FGF2: variants seen among roughly 807,000 people sequenced by gnomAD.
FGF2 encodes the protein fibroblast growth factor 2.
FGF2 carries 13 observed loss-of-function variants against 15.9 expected under a neutral mutation model. That is an observed-to-expected ratio of 0.82 (90% confidence interval 0.53 to 1.30). The LOEUF is 1.30. FGF2 is among the 50% of genes most tolerant of loss of function. The pLI is 0.00. For missense variants in FGF2, 163 were observed against 196.9 expected (o/e 0.83, Z 1.03); for synonymous variants, 90 against 78.4 (o/e 1.15, Z -0.78).
At chr4:122,876,079 T>C (rs1266126421) in intron 1 of FGF2, among the ~76,000 whole-genome samples, 1 of 152,156 alleles carries the variant, frequency 6.6e-6, no homozygotes, top group Non-Finnish European at 1.5e-5. Context: ...GCTCACCCTG[T>C]GACACAGGAG....
chr4:122,896,482 A>G lies in FGF2; in HGVS notation c.*4086A>G, dbSNP rs900770132. On this transcript the variant is annotated 3_prime_UTR_variant, in exon 3 of 3. Coordinates refer to ENST00000644866, the MANE Select transcript of FGF2 (RefSeq NM_001361665.2). ...CAAAACATAAGCTTAATTAGCTCAC[A>G]TGCTCTGCTCTCACGTGGCACCAGT... 2.0e-5 allele frequency: 3 copies of G among 152,202 alleles called. 1 individual carries two copies. The highest frequency in any genetic ancestry group is 4.1e-4 in the South Asian group (2 of 4,826). The allele number at this position is 152,202 out of a possible 1,614,324, so 9.4% of individuals were successfully genotyped here. A position where few individuals can be genotyped will look rare whatever the true frequency, so the allele number is the denominator to read the frequency against.
intron 2 of FGF2, among the ~76,000 whole-genome samples, chr4:122,890,354 G>T (rs2150791706): frequency 6.6e-6 from 1 of 152,250 alleles, no homozygotes; most frequent in African/African-American, 2.4e-5. Flanking sequence ...TCTCTGTAAG[G>T]CTGTGATTTA....
chr4:122,847,603 CTCTATCTATCTA>C (rs34233719), intron 1 of FGF2, among the ~76,000 whole-genome samples: 18 of 142,010 alleles, frequency 1.3e-4, no homozygotes, highest in South Asian at 4.5e-4. Flanking sequence ...TAGGAGATCA[CTCTATCTATCTA>C]TCTATCTATC....
intron 1 of FGF2, among the ~76,000 whole-genome samples, chr4:122,846,741 A>C (rs1276531248): frequency 6.6e-6 from 1 of 152,242 alleles, no homozygotes; most frequent in East Asian, 1.9e-4. Context: ...GAATGTATCC[A>C]TGTATTATTT....
At chr4:122,858,569 T>C (rs1726387183) in intron 1 of FGF2, among the ~76,000 whole-genome samples, 1 of 152,086 alleles carries the variant, frequency 6.6e-6, no homozygotes, top group Non-Finnish European at 1.5e-5. Context: ...GGCTAGTTTT[T>C]TGTATTTTAA....
intron 1 of FGF2, 73 bp from the exon 2 acceptor site, chr4:122,876,248 A>C: frequency 1.1e-6 from 1 of 921,610 alleles, no homozygotes; most frequent in Non-Finnish European, 1.8e-6. Context: ...TTTTGTCTTT[A>C]TATTGCGTAA....
chr4:122,877,695 A>C (rs376009445), intron 2 of FGF2, among the ~76,000 whole-genome samples: 169 of 152,378 alleles, frequency 1.1e-3, no homozygotes, highest in African/African-American at 3.9e-3. Flanking sequence ...GCCACTGGCC[A>C]GTTATGACAT....
chr4:122,861,164 G>T (rs1309918563), intron 1 of FGF2, among the ~76,000 whole-genome samples: 1 of 152,048 alleles, frequency 6.6e-6, no homozygotes. Context: ...CTTTTGAGAA[G>T]ATCGCAGCCA....
intron 1 of FGF2, among the ~76,000 whole-genome samples, chr4:122,852,527 G>A (rs1726256246): frequency 6.6e-6 from 1 of 152,184 alleles, no homozygotes; most frequent in African/African-American, 2.4e-5. Flanking sequence ...TAAATATCAG[G>A]TGGTGTGGTA....
At chr4:122,841,789 C>T (rs308431) in intron 1 of FGF2, among the ~76,000 whole-genome samples, 10,069 of 152,176 alleles carry the variant, frequency 0.066, 589 homozygotes, top group South Asian at 0.2. Flanking sequence ...GGAAAATTCA[C>T]TTAGTTATTT....
chr4:122,853,690 C>T (rs1274350335), intron 1 of FGF2, among the ~76,000 whole-genome samples: 4 of 152,164 alleles, frequency 2.6e-5, no homozygotes, highest in Admixed American at 2.0e-4. Flanking sequence ...TCCATACCCA[C>T]GTGGTCTGTT....
Position 122,896,569 on chromosome 4 carries a change from TACAAA to T in FGF2, c.*4175_*4179del. On this transcript the variant is annotated 3_prime_UTR_variant, in exon 3 of 3. Coordinates refer to ENST00000644866, the MANE Select transcript of FGF2 (RefSeq NM_001361665.2). ...CCTTCTCTTTCAGCATTCACACCAC[TACAAA>T]ATCATCTTTTATATCAACAGAAGAA... 6.6e-6 allele frequency: 1 copy of T among 152,122 alleles called. No homozygotes were observed. Among genetic ancestry groups the T allele is most frequent in the Non-Finnish European group, 1.5e-5 (1 of 68,020 alleles). The allele number at this position is 152,122 out of a possible 1,614,324, so 9.4% of individuals were successfully genotyped here. A position where few individuals can be genotyped will look rare whatever the true frequency, so the allele number is the denominator to read the frequency against.
chr4:122,846,574 A>G (rs527986281), intron 1 of FGF2, among the ~76,000 whole-genome samples: 1 of 152,334 alleles, frequency 6.6e-6, no homozygotes, highest in South Asian at 2.1e-4. Context: ...CACAAGATAT[A>G]TACTTGTGTA....
intron 1 of FGF2, among the ~76,000 whole-genome samples, chr4:122,866,654 G>A (rs1251436617): frequency 6.6e-6 from 1 of 152,190 alleles, no homozygotes; most frequent in African/African-American, 2.4e-5. Flanking sequence ...CACTCAACTA[G>A]GATGCCTATA....
intron 1 of FGF2, among the ~76,000 whole-genome samples, chr4:122,841,912 G>A (rs1396240468): frequency 1.3e-5 from 2 of 152,150 alleles, no homozygotes; most frequent in Non-Finnish European, 2.9e-5. Flanking sequence ...TTAACAGTTT[G>A]GATATTTGGT....
chr4:122,840,175 C>T (rs543706089), intron 1 of FGF2, among the ~76,000 whole-genome samples: 3 of 152,188 alleles, frequency 2.0e-5, no homozygotes, highest in Admixed American at 1.3e-4. Context: ...AACATGAGTT[C>T]GGGGAACACA....
rs1017150534 is a variant in FGF2, at chr4:122,827,697, G to T, written c.178+345G>T. On this transcript the variant is annotated intron_variant, in intron 1 of 2. Coordinates refer to ENST00000644866, the MANE Select transcript of FGF2 (RefSeq NM_001361665.2). The surrounding 1 kb of genome is among the most constrained non-coding windows in gnomAD (Gnocchi z 4.2). ...GCCCGCGGCCCCGCCATGCAGCTCT[G>T]GCCGCTTCTATCTGCTGCGTGCTGT... Among the ~76,000 whole-genome samples, 4 of 152,170 alleles carry T rather than the reference G, an allele frequency of 2.6e-5. No homozygotes were observed. The highest frequency in any genetic ancestry group is 7.2e-5 in the African/African-American group (3 of 41,450).
intron 2 of FGF2, 37 bp from the exon 3 acceptor site, chr4:122,892,171 AATG>A (rs761027240): frequency 1.1e-4 from 158 of 1,437,360 alleles, no homozygotes; most frequent in South Asian, 1.0e-3. Flanking sequence ...TAATAATAAT[AATG>A]ATAATAATAA....
chr4:122,892,707 A>G lies in FGF2; in HGVS notation c.*311A>G. 7.4e-7 allele frequency: 1 copy of G among 1,353,612 alleles called. No individual in the cohort carries two copies. The highest frequency in any genetic ancestry group is 2.5e-5 in the East Asian group (1 of 39,716). 83.9% of individuals were successfully genotyped at this position (1,353,612 alleles called of 1,614,324 possible). A position where few individuals can be genotyped will look rare whatever the true frequency, so the allele number is the denominator to read the frequency against. ...TAAAATGTGCATGTTTAGAAACAAAATTTCTTCATGGAAATCATATACATT... is the reference window on the plus strand; with the variant it reads ...TAAAATGTGCATGTTTAGAAACAAAGTTTCTTCATGGAAATCATATACATT... On this transcript the variant is annotated 3_prime_UTR_variant, in exon 3 of 3. Coordinates refer to ENST00000644866, the MANE Select transcript of FGF2 (RefSeq NM_001361665.2).
Sources: gnomAD v4.1 joint callset for allele counts (sites outside exome capture counted in the v4.1 genomes callset) on GRCh38, gnomAD v4.1.1 for gene constraint, Gnocchi (gnomAD v3.1) non-coding constraint, MANE v1.5 for transcripts, NCBI Gene and HGNC (gene_info 2026-07-23, HGNC 2026-07-21) for gene names.